Variants in TEK observed in about 807,000 individuals in gnomAD.
The protein encoded by TEK is angiopoietin-1 receptor.
Under a neutral mutation model 131.8 loss-of-function variants are expected in TEK, and 43 were observed. The observed-to-expected ratio is 0.33, with a 90% CI of 0.26 to 0.42. The LOEUF (loss-of-function observed/expected upper bound fraction) is 0.42, where lower values mean the gene tolerates loss of function less well. Ranked by LOEUF, TEK falls within the 10% of genes least tolerant of loss-of-function variation. The pLI is 1.00. For missense variants in TEK, 1,162 were observed against 1,384.4 expected (o/e 0.84, Z 2.55); for synonymous variants, 580 against 491.6 (o/e 1.18, Z -2.38).
At chr9:27,199,832 G>A (rs1442782249) in intron 12 of TEK, among the ~76,000 whole-genome samples, 1 of 152,084 alleles carries the variant, frequency 6.6e-6, no homozygotes, top group African/African-American at 2.4e-5. Flanking sequence ...CCTTGTTTGT[G>A]GTGGCTTTTA....
intron 19 of TEK, 36 bp from the exon 20 acceptor site, chr9:27,218,741 T>C (rs1298070694): frequency 2.5e-6 from 4 of 1,613,346 alleles, no homozygotes; most frequent in Non-Finnish European, 2.5e-6. Flanking sequence ...TGACTCTGTT[T>C]GCTGATTGTT....
At chr9:27,210,413 C>T in intron 16 of TEK, 1 of 191,922 alleles carries the variant, frequency 5.2e-6, no homozygotes, top group Non-Finnish European at 1.1e-5. Context: ...CTCTGGATGC[C>T]CAGGGAAAGT....
intron 18 of TEK, among the ~76,000 whole-genome samples, chr9:27,216,047 G>A (rs182838123): frequency 1.3e-5 from 2 of 152,304 alleles, no homozygotes; most frequent in African/African-American, 4.8e-5. Context: ...CACTATGGCT[G>A]GGGGTGTATT....
intron 9 of TEK, among the ~76,000 whole-genome samples, chr9:27,185,996 C>A (rs1005105473): frequency 6.6e-6 from 1 of 152,152 alleles, no homozygotes; most frequent in Non-Finnish European, 1.5e-5. Flanking sequence ...TCAGGCACAA[C>A]ATATCTGGTA....
In TEK at chr9:27,228,060, T is replaced by G. The variant is rs2273716; in HGVS notation, c.3201-146T>G. 0.08 allele frequency: 47,154 copies of G among 587,714 alleles called. 2,592 individuals are homozygous for G. Among genetic ancestry groups the G allele is most frequent in the Admixed American group, 0.19 (6,647 of 35,098 alleles). The allele number at this position is 587,714 out of a possible 1,614,324, so 36.4% of individuals were successfully genotyped here. ...TGAGACTGGCTTAGGGAGGTGGGAG[T>G]CCTCATAGAAACTTCCTAGGGGCTG... On this transcript the variant is annotated intron_variant, in intron 21 of 22. Transcript: ENST00000380036.
chr9:27,127,412 C>A (rs575066426), intron 1 of TEK, among the ~76,000 whole-genome samples: 1 of 152,128 alleles, frequency 6.6e-6, no homozygotes, highest in Admixed American at 6.5e-5. Context: ...TCTTTGCTAT[C>A]GTGAATAGTG....
At chr9:27,112,991 A>G (rs1821404284) in intron 1 of TEK, among the ~76,000 whole-genome samples, 2 of 152,200 alleles carry the variant, frequency 1.3e-5, no homozygotes, top group South Asian at 4.1e-4. Flanking sequence ...CATATGTTGT[A>G]TTAGCAGAAA....
intron 1 of TEK, among the ~76,000 whole-genome samples, chr9:27,126,503 A>G (rs926730657): frequency 1.2e-4 from 18 of 152,220 alleles, no homozygotes; most frequent in African/African-American, 4.1e-4. Flanking sequence ...AGTGCTTTTG[A>G]GGTTACAAAT....
chr9:27,200,038 A>G (rs1825163751), intron 12 of TEK, among the ~76,000 whole-genome samples: 1 of 152,156 alleles, frequency 6.6e-6, no homozygotes, highest in African/African-American at 2.4e-5. Context: ...GGTGCAGTAT[A>G]TTTTAATATT....
intron 3 of TEK, among the ~76,000 whole-genome samples, chr9:27,168,811 A>C (rs1273345959): frequency 6.6e-6 from 1 of 152,254 alleles, no homozygotes; most frequent in Non-Finnish European, 1.5e-5. Flanking sequence ...GAATTCATAT[A>C]TATGAATGTA....
intron 1 of TEK, among the ~76,000 whole-genome samples, chr9:27,123,840 G>A (rs565774134): frequency 3.5e-4 from 53 of 152,304 alleles, no homozygotes; most frequent in African/African-American, 1.2e-3. Flanking sequence ...GCAATGGCAT[G>A]ATTTCGGCTC....
intron 1 of TEK, among the ~76,000 whole-genome samples, chr9:27,122,260 A>G (rs1821822091): frequency 6.6e-6 from 1 of 152,148 alleles, no homozygotes; most frequent in Non-Finnish European, 1.5e-5. Flanking sequence ...ACCCTGCCCT[A>G]ATAAAGGCAG....
chr9:27,193,543 T>C (rs491892), intron 11 of TEK, among the ~76,000 whole-genome samples: 67,747 of 151,998 alleles, frequency 0.45, 15,353 homozygotes, highest in Non-Finnish European at 0.48. Context: ...CCTCCAGCTT[T>C]CTGTTACCCA....
At chr9:27,173,132 C>T in intron 5 of TEK, 90 bp from the exon 6 acceptor site, 1 of 1,536,586 alleles carries the variant, frequency 6.5e-7, no homozygotes. Context: ...TTCCCATATT[C>T]ACTAGACTAG....
chr9:27,173,139 CT>C (rs1824028314), intron 5 of TEK, 82 bp from the exon 6 acceptor site: 2 of 1,558,592 alleles, frequency 1.3e-6, no homozygotes, highest in South Asian at 2.3e-5. Flanking sequence ...ATTCACTAGA[CT>C]AGGAGAAATG....
At chr9:27,152,751 C>T (rs2131108294) in intron 1 of TEK, among the ~76,000 whole-genome samples, 1 of 152,190 alleles carries the variant, frequency 6.6e-6, no homozygotes, top group South Asian at 2.1e-4. Flanking sequence ...TTTCTTTAAA[C>T]ACAGTTTAAC....
chr9:27,194,225 A>G (rs1290830984), intron 11 of TEK, among the ~76,000 whole-genome samples: 2 of 152,228 alleles, frequency 1.3e-5, no homozygotes, highest in Non-Finnish European at 2.9e-5. Context: ...TAAAAGTAGA[A>G]GGATATGTTA....
In TEK at chr9:27,213,378, G is replaced by A. The variant is rs1380827390; in HGVS notation, c.2878-106G>A. 1.1e-5 allele frequency: 9 copies of A among 830,000 alleles called. 1 individual carries two copies. Among genetic ancestry groups the A allele is most frequent in the African/African-American group, 5.1e-5 (3 of 58,892 alleles). 51.4% of individuals were successfully genotyped at this position (830,000 alleles called of 1,614,324 possible). On this transcript the variant is annotated intron_variant, in intron 17 of 22. Transcript: ENST00000380036. ...ACTTTAAGGGAACTGGATTGTGACT[G>A]TTTAAAATCCTTTTTTATACTATTG... is the stretch of plus-strand genomic sequence containing the variant.
At chr9:27,181,502 G>A (rs966096487) in intron 7 of TEK, among the ~76,000 whole-genome samples, 14 of 152,134 alleles carry the variant, frequency 9.2e-5, no homozygotes, top group East Asian at 3.9e-4. Flanking sequence ...TGTATAATAC[G>A]TCGTCATTTG....
Sources: gnomAD v4.1 joint callset for allele counts (sites outside exome capture counted in the v4.1 genomes callset) on GRCh38, gnomAD v4.1.1 for gene constraint, MANE v1.5 for transcripts, NCBI Gene and HGNC (gene_info 2026-07-23, HGNC 2026-07-21) for gene names.